NCOR2: variants seen among roughly 807,000 people sequenced by gnomAD.
NCOR2 encodes nuclear receptor corepressor 2, also known as CTG repeat protein 26.
Under a neutral mutation model 262.9 loss-of-function variants are expected in NCOR2, and 81 were observed. The ratio of observed to expected loss-of-function variants is 0.31; its 90% CI spans 0.26 to 0.37. The LOEUF is 0.37. NCOR2 is among the 10% of genes least tolerant of loss of function. The pLI is 1.00. For missense variants in NCOR2, 3,385 were observed against 3,621.4 expected (o/e 0.93, Z 1.68); for synonymous variants, 1,659 against 1,559.3 (o/e 1.06, Z -1.51).
chr12:124,347,835 G>T, exon 30 of NCOR2: 1 of 1,564,968 alleles, frequency 6.4e-7, no homozygotes. Context: ...CTTGTGTGAT[G>T]GACCCGCGGA....
exon 34 of NCOR2, chr12:124,341,939 G>A: frequency 1.9e-6 from 3 of 1,613,256 alleles, no homozygotes; most frequent in Admixed American, 1.7e-5. Context: ...CTGCTGCGAG[G>A]TGATGTAGTC....
chr12:124,455,370 C>A (rs1253162677), intron 6 of NCOR2, among the ~76,000 whole-genome samples: 1 of 152,258 alleles, frequency 6.6e-6, no homozygotes, highest in African/African-American at 2.4e-5. Flanking sequence ...CCCAGATCGC[C>A]CAGGCCCGAG....
intron 20 of NCOR2, among the ~76,000 whole-genome samples, chr12:124,368,084 G>A (rs1385246480): frequency 2.0e-5 from 3 of 152,192 alleles, no homozygotes; most frequent in East Asian, 1.9e-4. Flanking sequence ...GCAAAGGCTC[G>A]GATCCCCTCT....
intron 1 of NCOR2, among the ~76,000 whole-genome samples, chr12:124,493,104 G>A (rs1302319217): frequency 6.6e-6 from 1 of 152,356 alleles, no homozygotes; most frequent in East Asian, 1.9e-4. Flanking sequence ...CCCACATCCT[G>A]CGTCACTGAC....
At chr12:124,376,098 G>A (rs982905141) in intron 18 of NCOR2, among the ~76,000 whole-genome samples, 2 of 152,126 alleles carry the variant, frequency 1.3e-5, no homozygotes, top group Non-Finnish European at 2.9e-5. Flanking sequence ...TGGGCTCCTC[G>A]TCCTTAAGAT....
At chr12:124,425,137 G>A (rs985516078) in intron 11 of NCOR2, among the ~76,000 whole-genome samples, 1 of 152,202 alleles carries the variant, frequency 6.6e-6, no homozygotes, top group Non-Finnish European at 1.5e-5. Context: ...CACTTTGGGA[G>A]GCCGAGACGG....
intron 1 of NCOR2, among the ~76,000 whole-genome samples, chr12:124,507,919 TCTC>T (rs1386387715): frequency 6.6e-6 from 1 of 152,106 alleles, no homozygotes; most frequent in Non-Finnish European, 1.5e-5. Context: ...TCCTCCCGCT[TCTC>T]CTCCATGCAC....
chr12:124,553,677 C>T (rs1294180970), intron 1 of NCOR2, among the ~76,000 whole-genome samples: 1 of 152,250 alleles, frequency 6.6e-6, no homozygotes, highest in South Asian at 2.1e-4. Context: ...CAACAAAGAA[C>T]TTATCAATAC....
At chr12:124,371,764 C>G (rs1054107737) in intron 20 of NCOR2, among the ~76,000 whole-genome samples, 6 of 152,294 alleles carry the variant, frequency 3.9e-5, no homozygotes, top group African/African-American at 7.2e-5. Context: ...CTCTCCCTAG[C>G]GCTGCCCAGG....
At chr12:124,357,601 G>A (rs369668573) in intron 22 of NCOR2, among the ~76,000 whole-genome samples, 4 of 152,370 alleles carry the variant, frequency 2.6e-5, no homozygotes, top group South Asian at 4.1e-4. Flanking sequence ...TGGCCCCGCC[G>A]TCTGACTTTG....
Position 124,471,016 on chromosome 12 carries a change from C to G in NCOR2, c.591+1936G>C, listed in dbSNP as rs112951069. On this transcript the variant is annotated intron_variant, in intron 4 of 46. Coordinates refer to ENST00000405201, the Ensembl canonical transcript of NCOR2. ...GGCTGGCCCTGGCAATGCCTGCCCA[C>G]GCCGCTGGGGCCCGGCCCCTCTCGG... Among the ~76,000 whole-genome samples, 1,418 of 152,354 alleles carry G rather than the reference C, an allele frequency of 9.3e-3. 19 individuals are homozygous for G. Among genetic ancestry groups the G allele is most frequent in the African/African-American group, 0.031 (1,282 of 41,584 alleles).
At chr12:124,506,674 C>T (rs1360573166) in intron 1 of NCOR2, among the ~76,000 whole-genome samples, 2 of 152,158 alleles carry the variant, frequency 1.3e-5, no homozygotes, top group African/African-American at 4.8e-5. Context: ...GTTCCGGGCG[C>T]CCCAGGAGGG....
intron 1 of NCOR2, among the ~76,000 whole-genome samples, chr12:124,490,795 C>T (rs1362735315): frequency 6.6e-6 from 1 of 152,224 alleles, no homozygotes; most frequent in Admixed American, 6.5e-5. Flanking sequence ...CCAACTGCAA[C>T]GAAGTGGGCA....
intron 1 of NCOR2, among the ~76,000 whole-genome samples, chr12:124,501,715 T>C (rs971045418): frequency 3.3e-5 from 5 of 152,182 alleles, no homozygotes; most frequent in African/African-American, 1.2e-4. Flanking sequence ...TCTTAACTAA[T>C]GTGATCTGCA....
intron 1 of NCOR2, among the ~76,000 whole-genome samples, chr12:124,516,807 G>A (rs1297506464): frequency 6.6e-6 from 1 of 152,084 alleles, no homozygotes; most frequent in Non-Finnish European, 1.5e-5. Context: ...CCCACCCTCA[G>A]ACCAGGTGCC....
At chr12:124,475,609 A>G (rs1243161996) in intron 3 of NCOR2, among the ~76,000 whole-genome samples, 1 of 152,264 alleles carries the variant, frequency 6.6e-6, no homozygotes, top group Admixed American at 6.5e-5. Context: ...CTGTGTGCCA[A>G]TAAAACTTTA....
chr12:124,350,084 A>G (rs760980770), intron 28 of NCOR2, among the ~76,000 whole-genome samples: 48 of 152,028 alleles, frequency 3.2e-4, no homozygotes, highest in Non-Finnish European at 3.4e-4. Flanking sequence ...TGGGTGCCCT[A>G]GGCTGCCAGG....
chr12:124,479,832 G>GGGGCATGGT (rs2047344443), intron 3 of NCOR2, among the ~76,000 whole-genome samples: 1 of 152,226 alleles, frequency 6.6e-6, no homozygotes, highest in Non-Finnish European at 1.5e-5. Flanking sequence ...GCAGGCATGG[G>GGGGCATGGT]GTGCACTCCC....
chr12:124,559,388 C>T (rs1394917083), intron 1 of NCOR2, among the ~76,000 whole-genome samples: 1 of 152,184 alleles, frequency 6.6e-6, no homozygotes, highest in Non-Finnish European at 1.5e-5. Flanking sequence ...TTCTCGAGGG[C>T]CCCATCCGGT....
Sources: gnomAD v4.1 joint callset for allele counts (sites outside exome capture counted in the v4.1 genomes callset) on GRCh38, gnomAD v4.1.1 for gene constraint, MANE v1.5 for transcripts, NCBI Gene and HGNC (gene_info 2026-07-23, HGNC 2026-07-21) for gene names.